Variants in RPS6KC1 observed in about 807,000 individuals in gnomAD.
RPS6KC1 encodes inactive ribosomal protein S6 kinase delta-1.
RPS6KC1 carries 54 observed loss-of-function variants against 103.8 expected under a neutral mutation model. The ratio of observed to expected loss-of-function variants is 0.52; its 90% CI spans 0.42 to 0.65. RPS6KC1 has a LOEUF of 0.65. Among genes scored for constraint, RPS6KC1 ranks in the 30% least tolerant of loss-of-function variants. RPS6KC1 has a pLI of 0.00. For missense variants in RPS6KC1, 1,151 were observed against 1,253.8 expected (o/e 0.92, Z 1.24); for synonymous variants, 439 against 438.7 (o/e 1.00, Z -0.01).
At chr1:213,839,535 A>G in the RPS6KC1 span, among the ~76,000 whole-genome samples, 2 of 152,220 alleles carry the variant, frequency 1.3e-5, no homozygotes, top group African/African-American at 4.8e-5. Context: ...AAGTTAAAAC[A>G]AAAAGTTGAG....
intron 3 of RPS6KC1, among the ~76,000 whole-genome samples, chr1:213,097,626 TCTC>T (rs1235676677): frequency 6.6e-5 from 10 of 152,324 alleles, no homozygotes; most frequent in East Asian, 1.9e-4. Context: ...AAGCATGACT[TCTC>T]CTGTCTAGGT....
At chr1:213,799,573 G>A in the RPS6KC1 span, among the ~76,000 whole-genome samples, 1 of 152,196 alleles carries the variant, frequency 6.6e-6, no homozygotes, top group Admixed American at 6.5e-5. Context: ...AAACTTTATG[G>A]TATGCTCTGT....
intron 6 of RPS6KC1, among the ~76,000 whole-genome samples, chr1:213,151,720 CG>C (rs1455189469): frequency 8.2e-6 from 1 of 122,336 alleles, no homozygotes; most frequent in Admixed American, 7.4e-5. Context: ...GCTGGCCGGG[CG>C]GGGGGCTGAC....
chr1:213,182,765 A>G (rs1211423808), intron 8 of RPS6KC1, among the ~76,000 whole-genome samples: 1 of 148,938 alleles, frequency 6.7e-6, no homozygotes, highest in Admixed American at 6.8e-5. Context: ...ATATATCATG[A>G]TACATATATA....
chr1:213,182,269 A>C (rs1279382592), intron 8 of RPS6KC1, among the ~76,000 whole-genome samples: 5 of 152,180 alleles, frequency 3.3e-5, no homozygotes, highest in African/African-American at 1.2e-4. Flanking sequence ...AGGTGGGTGG[A>C]TCACCTGAGG....
the RPS6KC1 span, among the ~76,000 whole-genome samples, chr1:213,401,485 G>A: frequency 3.9e-5 from 6 of 152,316 alleles, no homozygotes; most frequent in African/African-American, 7.2e-5. Context: ...CCCCCTGGCC[G>A]GTGGAGTGTG....
chr1:213,718,438 G>A, the RPS6KC1 span, among the ~76,000 whole-genome samples: 1 of 152,202 alleles, frequency 6.6e-6, no homozygotes, highest in Non-Finnish European at 1.5e-5. Flanking sequence ...TTCCAGACTG[G>A]TCTGGGTCCT....
At chr1:213,653,064 G>C in the RPS6KC1 span, among the ~76,000 whole-genome samples, 1 of 152,152 alleles carries the variant, frequency 6.6e-6, no homozygotes, top group East Asian at 1.9e-4. Context: ...GATTGAACCA[G>C]GGAGACCCCC....
At chr1:213,353,704 A>G in the RPS6KC1 span, among the ~76,000 whole-genome samples, 5 of 152,140 alleles carry the variant, frequency 3.3e-5, no homozygotes, top group Admixed American at 1.3e-4. Context: ...CTCAGGGCTG[A>G]GCTCTTATTA....
At chr1:213,366,198 G>A in the RPS6KC1 span, among the ~76,000 whole-genome samples, 173 of 152,132 alleles carry the variant, frequency 1.1e-3, 2 homozygotes, top group East Asian at 9.3e-3. Context: ...ATAACCTGGC[G>A]TAGTTCCTGA....
chr1:213,317,369 G>T, the RPS6KC1 span, among the ~76,000 whole-genome samples: 1 of 152,158 alleles, frequency 6.6e-6, no homozygotes, highest in Non-Finnish European at 1.5e-5. Context: ...TAAGAAAAAG[G>T]TAGGTCCACT....
At chr1:213,149,519 AT>A (rs2088361575) in intron 6 of RPS6KC1, among the ~76,000 whole-genome samples, 1 of 152,198 alleles carries the variant, frequency 6.6e-6, no homozygotes, top group South Asian at 2.1e-4. Context: ...CCTTGAAACA[AT>A]TTCAATTTTT....
intron 1 of RPS6KC1, among the ~76,000 whole-genome samples, chr1:213,057,652 G>C (rs2077442968): frequency 2.7e-5 from 4 of 150,526 alleles, no homozygotes; most frequent in Admixed American, 2.6e-4. Context: ...TGAGTTTTGA[G>C]AGTTCTTTAT....
chr1:213,236,947 A>G (rs2094234319), intron 10 of RPS6KC1, among the ~76,000 whole-genome samples: 1 of 152,122 alleles, frequency 6.6e-6, no homozygotes, highest in African/African-American at 2.4e-5. Context: ...TAAAAATAAA[A>G]ATTATCCCTC....
the RPS6KC1 span, among the ~76,000 whole-genome samples, chr1:213,795,545 C>T: frequency 6.6e-6 from 1 of 152,130 alleles, no homozygotes; most frequent in African/African-American, 2.4e-5. Context: ...TGAACATTAG[C>T]TAATTTTGTC....
chr1:213,435,132 A>C, the RPS6KC1 span, among the ~76,000 whole-genome samples: 1 of 152,164 alleles, frequency 6.6e-6, no homozygotes, highest in Non-Finnish European at 1.5e-5. Context: ...TTTCAAGTTT[A>C]CTAATATTTC....
At chr1:213,857,437 T>C in the RPS6KC1 span, among the ~76,000 whole-genome samples, 1 of 152,226 alleles carries the variant, frequency 6.6e-6, no homozygotes, top group Non-Finnish European at 1.5e-5. Context: ...CTTCCCGTTA[T>C]TCTCAGGGGC....
the RPS6KC1 span, among the ~76,000 whole-genome samples, chr1:213,809,413 A>C: frequency 2.0e-5 from 3 of 151,958 alleles, no homozygotes; most frequent in African/African-American, 7.2e-5. Flanking sequence ...TTTTGTGAGA[A>C]TTACCAAAAT....
At chr1:213,377,259 T>C in the RPS6KC1 span, among the ~76,000 whole-genome samples, 1 of 152,216 alleles carries the variant, frequency 6.6e-6, no homozygotes, top group Non-Finnish European at 1.5e-5. Flanking sequence ...GAGTTTAGAC[T>C]TTTTGAAGGA....
Sources: gnomAD v4.1 joint callset for allele counts (sites outside exome capture counted in the v4.1 genomes callset) on GRCh38, gnomAD v4.1.1 for gene constraint, MANE v1.5 for transcripts, NCBI Gene and HGNC (gene_info 2026-07-23, HGNC 2026-07-21) for gene names.